MAN1A2: variants seen among roughly 807,000 people sequenced by gnomAD.
MAN1A2 encodes the protein mannosyl-oligosaccharide 1,2-alpha-mannosidase IB.
A neutral mutation model predicts 75.7 loss-of-function variants in MAN1A2; 26 were observed. That is an observed-to-expected ratio of 0.34 (90% CI 0.25 to 0.48). MAN1A2 has a LOEUF of 0.48. MAN1A2 is among the 20% of genes least tolerant of loss of function. The pLI, the probability that MAN1A2 is intolerant of heterozygous loss-of-function variation, is 0.99. For missense variants in MAN1A2, 562 were observed against 775.5 expected (o/e 0.72, Z 3.27); for synonymous variants, 247 against 264.6 (o/e 0.93, Z 0.65).
chr1:117,377,990 T>C (rs1257808915), intron 1 of MAN1A2, among the ~76,000 whole-genome samples: 2 of 152,116 alleles, frequency 1.3e-5, no homozygotes, highest in Non-Finnish European at 2.9e-5. Context: ...TAGTCCCAGC[T>C]ACTCGGGAGG....
chr1:117,517,439 A>T (rs1651745580), intron 12 of MAN1A2, among the ~76,000 whole-genome samples: 2 of 152,160 alleles, frequency 1.3e-5, no homozygotes, highest in Non-Finnish European at 2.9e-5. Context: ...TGAGACCTAG[A>T]AGATATAAAA....
chr1:117,375,473 C>G (rs1004235945), intron 1 of MAN1A2, among the ~76,000 whole-genome samples: 1 of 152,068 alleles, frequency 6.6e-6, no homozygotes, highest in African/African-American at 2.4e-5. Flanking sequence ...ACAAAGAACA[C>G]AGGTGTTGTT....
intron 5 of MAN1A2, 90 bp from the exon 6 acceptor site, chr1:117,442,141 C>T (rs750446004): frequency 1.2e-6 from 1 of 828,302 alleles, no homozygotes; most frequent in East Asian, 2.5e-5. Flanking sequence ...GTACCCAGTA[C>T]CTTGTGCTAT....
chr1:117,473,300 G>A (rs1650219894), intron 8 of MAN1A2, among the ~76,000 whole-genome samples: 1 of 151,784 alleles, frequency 6.6e-6, no homozygotes, highest in African/African-American at 2.4e-5. Context: ...TGTTCTGTCT[G>A]CCTTTGAAAT....
intron 4 of MAN1A2, among the ~76,000 whole-genome samples, chr1:117,418,001 A>T (rs1345325860): frequency 6.6e-6 from 1 of 152,020 alleles, no homozygotes; most frequent in Non-Finnish European, 1.5e-5. Context: ...AGCCATGATC[A>T]TGCTACTGTA....
intron 1 of MAN1A2, among the ~76,000 whole-genome samples, chr1:117,381,387 C>G (rs1653328345): frequency 6.6e-6 from 1 of 152,040 alleles, no homozygotes; most frequent in Non-Finnish European, 1.5e-5. Flanking sequence ...TTCCTGTGTC[C>G]ATGTGTTCTC....
Position 117,509,524 on chromosome 1 carries a change from T to G in MAN1A2, c.1793+6554T>G, listed in dbSNP as rs554535939. Reference sequence around the variant, plus strand: ...TGGAAGTATATTCTTAAAATATCCTTAAGTGTGTATTATCAGTACTTCATT... The same window carrying G: ...TGGAAGTATATTCTTAAAATATCCTGAAGTGTGTATTATCAGTACTTCATT... On this transcript the variant is annotated intron_variant, in intron 12 of 12. Transcript: ENST00000356554. Among the ~76,000 whole-genome samples, 9 of 152,062 alleles carry G rather than the reference T, an allele frequency of 5.9e-5. 2 individuals are homozygous for G. The South Asian group carries it at 1.9e-3, about 31-fold the overall frequency.
At chr1:117,428,706 G>A (rs1333266066) in intron 5 of MAN1A2, among the ~76,000 whole-genome samples, 2 of 149,204 alleles carry the variant, frequency 1.3e-5, no homozygotes, top group African/African-American at 4.9e-5. Flanking sequence ...AGCAAGTGTA[G>A]AAAGGTTTAA....
chr1:117,460,677 T>A, intron 7 of MAN1A2, 65 bp downstream of exon 7: 1 of 1,497,450 alleles, frequency 6.7e-7, no homozygotes, highest in South Asian at 1.5e-5. Context: ...GCCCAAAGAT[T>A]TGATTAATGC....
chr1:117,478,502 C>A (rs1348744193), intron 8 of MAN1A2, among the ~76,000 whole-genome samples: 1 of 151,906 alleles, frequency 6.6e-6, no homozygotes, highest in East Asian at 1.9e-4. Context: ...GCACGCCTAA[C>A]CCAAGCACAC....
intron 1 of MAN1A2, among the ~76,000 whole-genome samples, chr1:117,383,571 A>G (rs1653423444): frequency 6.6e-6 from 1 of 152,090 alleles, no homozygotes; most frequent in Non-Finnish European, 1.5e-5. Context: ...TTCACCAGTA[A>G]AGCTATCTGG....
At chr1:117,447,286 T>C (rs1171471886) in intron 6 of MAN1A2, among the ~76,000 whole-genome samples, 1 of 152,158 alleles carries the variant, frequency 6.6e-6, no homozygotes, top group Non-Finnish European at 1.5e-5. Flanking sequence ...TTATATATAA[T>C]CTCATTATTT....
In MAN1A2 at chr1:117,526,894, A is replaced by G. The variant is rs1357989631; in HGVS notation, c.*3937A>G. 8.6e-5 allele frequency: 12 copies of G among 139,618 alleles called. No homozygotes were observed. Among genetic ancestry groups the G allele is most frequent in the East Asian group, 2.0e-4 (1 of 5,050 alleles). The allele number at this position is 139,618 out of a possible 1,614,324, so 8.6% of individuals were successfully genotyped here. A position where few individuals can be genotyped will look rare whatever the true frequency, so the allele number is the denominator to read the frequency against. On this transcript the variant is annotated 3_prime_UTR_variant, in exon 13 of 13. Coordinates refer to ENST00000356554, the MANE Select transcript of MAN1A2 (RefSeq NM_006699.5). ...TCTCTCTCTCTCTATATATATATAT[A>G]TATATATATATATATGAGAGATATA...
At chr1:117,368,592 G>A in intron 1 of MAN1A2, 107 bp downstream of exon 1, 5 of 1,049,756 alleles carry the variant, frequency 4.8e-6, no homozygotes, top group East Asian at 2.4e-5. Context: ...AATTTTTCGA[G>A]TCATAAATAT....
At chr1:117,491,665 A>G (rs1016062939) in intron 8 of MAN1A2, among the ~76,000 whole-genome samples, 20 of 152,130 alleles carry the variant, frequency 1.3e-4, no homozygotes, top group East Asian at 3.9e-4. Flanking sequence ...GCTGCCATAT[A>G]TAGTGATTCC....
Position 117,464,584 on chromosome 1 carries a change from C to G in MAN1A2, c.1075-1750C>G, listed in dbSNP as rs141604773. Among the ~76,000 whole-genome samples, 28 of 152,152 alleles carry G rather than the reference C, an allele frequency of 1.8e-4. No individual in the cohort carries two copies. The East Asian group carries it at 3.3e-3, about 18-fold the overall frequency. ...ATGGTGTAACTTGACATACAAAACT[C>G]AAATTCTCATGAGCAGCAATGAGAA... On this transcript the variant is annotated intron_variant, in intron 7 of 12. Transcript: ENST00000356554.
intron 8 of MAN1A2, among the ~76,000 whole-genome samples, chr1:117,472,779 A>G (rs1429113184): frequency 1.3e-5 from 2 of 152,028 alleles, no homozygotes; most frequent in African/African-American, 2.4e-5. Flanking sequence ...AATGCAGCCC[A>G]ACACGAATTG....
chr1:117,430,937 C>T (rs1344755054), intron 5 of MAN1A2, among the ~76,000 whole-genome samples: 1 of 129,438 alleles, frequency 7.7e-6, no homozygotes, highest in African/African-American at 3.0e-5. Flanking sequence ...ACTGAGTGAA[C>T]GAGACTCCGT....
chr1:117,381,813 G>C (rs1011186286), intron 1 of MAN1A2, among the ~76,000 whole-genome samples: 3 of 152,070 alleles, frequency 2.0e-5, no homozygotes, highest in African/African-American at 7.2e-5. Flanking sequence ...CAGTGTAAAA[G>C]TATTCCTATT....
Sources: allele counts gnomAD v4.1 joint callset (sites outside exome capture counted in the v4.1 genomes callset), GRCh38; gene constraint gnomAD v4.1.1; transcripts MANE v1.5; gene names NCBI Gene and HGNC (gene_info 2026-07-23, HGNC 2026-07-21).